Variants in ARMC2 observed in about 807,000 individuals in gnomAD.
ARMC2 encodes the protein armadillo repeat containing 2.
A neutral mutation model predicts 90.3 loss-of-function variants in ARMC2; 67 were observed. That is an observed-to-expected ratio of 0.74 (90% CI 0.61 to 0.91). ARMC2 has a LOEUF of 0.91. Among genes scored for constraint, ARMC2 ranks in the 40% least tolerant of loss-of-function variants. ARMC2 has a pLI of 0.00. For missense variants in ARMC2, 920 were observed against 1,030.9 expected (o/e 0.89, Z 1.47); for synonymous variants, 393 against 393.0 (o/e 1.00, Z 0.00).
At chr6:108,976,612 C>T (rs1479462682), downstream of ARMC2, among the ~76,000 whole-genome samples, 2 of 152,076 alleles carry the variant, frequency 1.3e-5, no homozygotes, top group African/African-American at 2.4e-5. Flanking sequence ...GCCATTTTGA[C>T]GATATTGATT....
the ARMC2 span, among the ~76,000 whole-genome samples, chr6:109,004,096 A>G: frequency 6.6e-6 from 1 of 152,222 alleles, no homozygotes; most frequent in Non-Finnish European, 1.5e-5. Context: ...ATTCAGAAAA[A>G]AAGTGAAGCT....
At chr6:108,871,777 T>C (rs893159359) in intron 4 of ARMC2, among the ~76,000 whole-genome samples, 3 of 152,116 alleles carry the variant, frequency 2.0e-5, no homozygotes, top group African/African-American at 7.2e-5. Context: ...GGAGGTGCCC[T>C]CTGCAGCTGT....
chr6:108,878,926 G>A (rs1318965645), intron 5 of ARMC2, among the ~76,000 whole-genome samples: 1 of 144,148 alleles, frequency 6.9e-6, no homozygotes, highest in Non-Finnish European at 1.5e-5. Context: ...TCCAGCCATC[G>A]ACATATCTAC....
intron 4 of ARMC2, among the ~76,000 whole-genome samples, chr6:108,873,916 T>C (rs1225592130): frequency 1.3e-5 from 2 of 152,202 alleles, no homozygotes; most frequent in Non-Finnish European, 2.9e-5. Context: ...CCCTGCTAGA[T>C]AGAGCAACGT....
chr6:108,965,642 A>G (rs889466876), intron 17 of ARMC2, among the ~76,000 whole-genome samples: 11 of 152,072 alleles, frequency 7.2e-5, no homozygotes, highest in Admixed American at 6.6e-4. Context: ...AAAGGAAAGA[A>G]GATTGTTTCT....
At chr6:108,952,444 C>T (rs911084211) in intron 12 of ARMC2, among the ~76,000 whole-genome samples, 12 of 151,778 alleles carry the variant, frequency 7.9e-5, no homozygotes, top group African/African-American at 2.7e-4. Context: ...AGTGTAGCTA[C>T]GTAACACAGC....
intron 11 of ARMC2, among the ~76,000 whole-genome samples, chr6:108,934,258 C>T (rs897539402): frequency 6.6e-6 from 1 of 152,144 alleles, no homozygotes; most frequent in African/African-American, 2.4e-5. Context: ...TGGTTTTTGT[C>T]TTCAGTTGTG....
At chr6:108,905,643 G>A (rs1772609138) in intron 8 of ARMC2, among the ~76,000 whole-genome samples, 1 of 151,970 alleles carries the variant, frequency 6.6e-6, no homozygotes, top group Non-Finnish European at 1.5e-5. Context: ...GGTTATTAAT[G>A]GTGTCATTCA....
chr6:108,899,395 T>C (rs1290670242), intron 6 of ARMC2, among the ~76,000 whole-genome samples: 2 of 152,204 alleles, frequency 1.3e-5, no homozygotes, highest in African/African-American at 2.4e-5. Flanking sequence ...AGTAAAAATG[T>C]ACTCAAAACT....
intron 5 of ARMC2, among the ~76,000 whole-genome samples, chr6:108,891,653 G>C (rs1208267173): frequency 3.9e-5 from 6 of 152,066 alleles, no homozygotes; most frequent in South Asian, 2.1e-4. Context: ...TTAGCCCTTT[G>C]TCAGATGGAT....
the ARMC2 span, among the ~76,000 whole-genome samples, chr6:109,042,322 G>C: frequency 6.6e-6 from 1 of 151,620 alleles, no homozygotes; most frequent in Non-Finnish European, 1.5e-5. Flanking sequence ...TATAAACTGA[G>C]AATCAAGCAG....
At chr6:109,000,651 G>A in the ARMC2 span, 1 of 1,598,964 alleles carries the variant, frequency 6.3e-7, no homozygotes, top group South Asian at 1.1e-5. Context: ...CACTAAGTAG[G>A]AGCACTGATG....
In ARMC2 at chr6:108,904,455, T is replaced by C. The variant is rs892681486; in HGVS notation, c.1023+50T>C. The C allele has an allele frequency of 2.8e-6, 4 of 1,442,532 alleles. No homozygotes were observed. In the African/African-American group the frequency reaches 4.3e-5, roughly 16 times the overall value. 89.4% of individuals were successfully genotyped at this position (1,442,532 alleles called of 1,614,324 possible). ...AGTAGACTATATCACATAAAAGCTT[T>C]GTTTAATGCTTTATTTTTAAATATT... On this transcript the variant is annotated intron_variant, in intron 8 of 17. Transcript: ENST00000392644.
rs146571005 is a variant in ARMC2, at chr6:108,962,097, G to A, written c.2122G>A (p.Asp708Asn). The change falls in exon 15 of 18, where the codon GAT (aspartate) becomes AAT (asparagine). Residue 708 changes from aspartate (D) to asparagine (N), a missense_variant. Transcript: ENST00000392644. ...RVFGNLSQDH[D>N]VCDFIVQNNV... ...TTTCGGAAATCTCTCCCAGGACCATGATGTCTGCGATTTCATTGTGCAGAA... is the reference window on the plus strand; with the variant it reads ...TTTCGGAAATCTCTCCCAGGACCATAATGTCTGCGATTTCATTGTGCAGAA... 1,716 of 1,611,830 alleles carry A rather than the reference G, an allele frequency of 1.1e-3. 2 individuals are homozygous for A. The highest frequency in any genetic ancestry group is 1.3e-3 in the Non-Finnish European group (1,566 of 1,178,444).
At chr6:108,855,840 T>C (rs1774533367) in intron 2 of ARMC2, among the ~76,000 whole-genome samples, 1 of 152,234 alleles carries the variant, frequency 6.6e-6, no homozygotes, top group Non-Finnish European at 1.5e-5. Context: ...ATACTTATTT[T>C]ACATATGTAT....
chr6:109,040,649 AG>A, the ARMC2 span, among the ~76,000 whole-genome samples: 1 of 151,258 alleles, frequency 6.6e-6, no homozygotes, highest in Non-Finnish European at 1.5e-5. Flanking sequence ...GTGACAAACT[AG>A]CATAATCTTT....
the ARMC2 span, among the ~76,000 whole-genome samples, chr6:109,045,556 A>G: frequency 6.6e-6 from 1 of 152,186 alleles, no homozygotes; most frequent in African/African-American, 2.4e-5. Flanking sequence ...ATGGTTCTGT[A>G]CTTTTGCACA....
chr6:108,922,293 G>A (rs1774657437), intron 10 of ARMC2, among the ~76,000 whole-genome samples: 1 of 151,748 alleles, frequency 6.6e-6, no homozygotes, highest in South Asian at 2.1e-4. Flanking sequence ...TTGAGACAGA[G>A]TCTCACTGTG....
At chr6:109,032,519 G>C in the ARMC2 span, among the ~76,000 whole-genome samples, 1 of 151,918 alleles carries the variant, frequency 6.6e-6, no homozygotes, top group African/African-American at 2.4e-5. Context: ...TGGGGAGGCT[G>C]AGGCAGGAGA....
Sources: gnomAD v4.1 joint callset for allele counts (sites outside exome capture counted in the v4.1 genomes callset) on GRCh38, gnomAD v4.1.1 for gene constraint, MANE v1.5 for transcripts, NCBI Gene and HGNC (gene_info 2026-07-23, HGNC 2026-07-21) for gene names.